ASTN2: variants seen among roughly 807,000 people sequenced by gnomAD.
The protein encoded by ASTN2 is astrotactin 2, also known as astrotactin-2.
A neutral mutation model predicts 139.8 loss-of-function variants in ASTN2; 54 were observed. That is an observed-to-expected ratio of 0.39 (90% CI 0.31 to 0.48). ASTN2 has a LOEUF of 0.48. ASTN2 is among the 20% of genes least tolerant of loss of function. ASTN2 has a pLI of 0.95. For synonymous variants in ASTN2, 756 were observed against 719.5 expected (o/e 1.05, Z -0.81); for missense variants, 1,565 against 1,725.1 (o/e 0.91, Z 1.64).
At chr9:116,581,286 C>A (rs1286361125) in intron 19 of ASTN2, among the ~76,000 whole-genome samples, 2 of 152,170 alleles carry the variant, frequency 1.3e-5, no homozygotes, top group East Asian at 3.9e-4. Flanking sequence ...GAATCACAGA[C>A]CTGGGTTCAA....
intron 4 of ASTN2, among the ~76,000 whole-genome samples, chr9:117,100,710 G>A (rs1436012139): frequency 6.6e-6 from 1 of 152,176 alleles, no homozygotes; most frequent in East Asian, 1.9e-4. Context: ...AATAAGCCAC[G>A]ACCTCCACTA....
At chr9:116,580,273 G>C (rs1254324169) in intron 19 of ASTN2, among the ~76,000 whole-genome samples, 1 of 152,190 alleles carries the variant, frequency 6.6e-6, no homozygotes, top group Non-Finnish European at 1.5e-5. Flanking sequence ...AGAGGTATGG[G>C]GCAGGGGAGA....
intron 1 of ASTN2, among the ~76,000 whole-genome samples, chr9:117,331,144 A>G (rs151259243): frequency 1.1e-3 from 161 of 152,298 alleles, no homozygotes; most frequent in African/African-American, 3.6e-3. Context: ...AAGTGTCCCA[A>G]TCACAGAAGT....
chr9:116,452,681 T>G (rs562432835), intron 20 of ASTN2, among the ~76,000 whole-genome samples: 1 of 152,192 alleles, frequency 6.6e-6, no homozygotes, highest in African/African-American at 2.4e-5. Flanking sequence ...GCTACAGATA[T>G]AGTAGTAGTT....
chr9:117,232,700 TG>T (rs1832929753), intron 2 of ASTN2, among the ~76,000 whole-genome samples: 1 of 152,214 alleles, frequency 6.6e-6, no homozygotes, highest in Non-Finnish European at 1.5e-5. Flanking sequence ...GCCGATTACC[TG>T]GGTCCAAAGA....
At chr9:116,580,327 G>T (rs1448746449) in intron 19 of ASTN2, among the ~76,000 whole-genome samples, 1 of 152,098 alleles carries the variant, frequency 6.6e-6, no homozygotes, top group East Asian at 1.9e-4. Flanking sequence ...TCTAATAGAG[G>T]GGCAAGAGGT....
intron 4 of ASTN2, among the ~76,000 whole-genome samples, chr9:117,122,306 A>G (rs1829577511): frequency 6.6e-6 from 1 of 152,160 alleles, no homozygotes; most frequent in Non-Finnish European, 1.5e-5. Flanking sequence ...ACTCTCACAT[A>G]AGATGAGAGT....
chr9:116,680,267 A>C (rs1859767042), intron 16 of ASTN2, among the ~76,000 whole-genome samples: 1 of 152,228 alleles, frequency 6.6e-6, no homozygotes, highest in Non-Finnish European at 1.5e-5. Context: ...TAAACTAGAA[A>C]ATCTAGAAGA....
At chr9:117,158,167 G>A (rs1830470907) in intron 3 of ASTN2, among the ~76,000 whole-genome samples, 1 of 152,044 alleles carries the variant, frequency 6.6e-6, no homozygotes, top group Admixed American at 6.6e-5. Flanking sequence ...CGTGTAGTCA[G>A]GGTACTAACC....
At chr9:116,565,377 CTCTCTCTCTCCATATATATATATA>C (rs1271924042) in intron 19 of ASTN2, among the ~76,000 whole-genome samples, 3 of 33,154 alleles carry the variant, frequency 9.0e-5, no homozygotes, top group African/African-American at 1.3e-4. Flanking sequence ...CTCTCTCTCT[CTCTCTCTCTCCATATATATATATA>C]TATATATATA....
chr9:117,243,365 A>G (rs900307235), intron 2 of ASTN2, among the ~76,000 whole-genome samples: 1 of 152,230 alleles, frequency 6.6e-6, no homozygotes, highest in African/African-American at 2.4e-5. Context: ...CAGGTTAACC[A>G]ACTTGCCTGA....
chr9:117,364,825 G>A (rs1829790824), intron 1 of ASTN2, among the ~76,000 whole-genome samples: 1 of 151,946 alleles, frequency 6.6e-6, no homozygotes, highest in African/African-American at 2.4e-5. Context: ...AAATAAAAAA[G>A]AAAAGAGCCA....
intron 2 of ASTN2, among the ~76,000 whole-genome samples, chr9:117,231,574 G>A (rs971272882): frequency 2.5e-4 from 38 of 152,152 alleles, no homozygotes; most frequent in African/African-American, 8.7e-4. Context: ...AAACAGAAGT[G>A]GAATTTGTGG....
chr9:117,314,243 G>A (rs1178973113), intron 1 of ASTN2, among the ~76,000 whole-genome samples: 1 of 151,432 alleles, frequency 6.6e-6, no homozygotes, highest in Non-Finnish European at 1.5e-5. Flanking sequence ...CACCATGAAT[G>A]TTTGCATGAA....
intron 2 of ASTN2, among the ~76,000 whole-genome samples, chr9:117,246,981 T>C (rs987927544): frequency 6.6e-6 from 1 of 152,164 alleles, no homozygotes; most frequent in African/African-American, 2.4e-5. Context: ...ATGGATTCTA[T>C]CTTGTGAGGG....
At chr9:117,049,664 A>C (rs1368758007) in intron 5 of ASTN2, among the ~76,000 whole-genome samples, 1 of 152,218 alleles carries the variant, frequency 6.6e-6, no homozygotes, top group East Asian at 1.9e-4. Flanking sequence ...GGGAAGAGGA[A>C]GAGGAAGGTT....
At chr9:116,968,753 G>T (rs1408282275) in intron 10 of ASTN2, among the ~76,000 whole-genome samples, 16 of 151,964 alleles carry the variant, frequency 1.1e-4, no homozygotes, top group African/African-American at 3.9e-4. Context: ...ACAACAATTA[G>T]CCAGGTGTGG....
intron 2 of ASTN2, among the ~76,000 whole-genome samples, chr9:117,241,541 G>C (rs1170352510): frequency 6.6e-6 from 1 of 152,154 alleles, no homozygotes; most frequent in African/African-American, 2.4e-5. Flanking sequence ...GCATGAGTTG[G>C]ATTCTCACAG....
chr9:117,299,581 G>A (rs772383035), intron 1 of ASTN2, among the ~76,000 whole-genome samples: 1 of 152,196 alleles, frequency 6.6e-6, no homozygotes, highest in Non-Finnish European at 1.5e-5. Context: ...AAGGGATACA[G>A]TGGGGGGAAC....
Sources: gnomAD v4.1 joint callset for allele counts (sites outside exome capture counted in the v4.1 genomes callset) on GRCh38, gnomAD v4.1.1 for gene constraint, MANE v1.5 for transcripts, NCBI Gene and HGNC (gene_info 2026-07-23, HGNC 2026-07-21) for gene names.